The following PSPC1 variants were observed in gnomAD, a reference collection of about 807,000 sequenced individuals.
PSPC1 encodes the protein paraspeckle component 1, also known as paraspeckle protein 1.
A neutral mutation model predicts 51.6 loss-of-function variants in PSPC1; 14 were observed. The ratio of observed to expected loss-of-function variants is 0.27; its 90% CI spans 0.18 to 0.42. The LOEUF is 0.42. Among genes scored for constraint, PSPC1 ranks in the 10% least tolerant of loss-of-function variants. The pLI, the probability that PSPC1 is intolerant of heterozygous loss-of-function variation, is 1.00. For missense variants in PSPC1, 406 were observed against 701.1 expected, an observed-to-expected ratio of 0.58 and a Z score of 4.75; for synonymous variants, 193 against 231.9, an observed-to-expected ratio of 0.83 and a Z score of 1.53.
At chr13:19,704,151 T>G (rs1463606904) in intron 8 of PSPC1, among the ~76,000 whole-genome samples, 1 of 152,288 alleles carries the variant, frequency 6.6e-6, no homozygotes, top group African/African-American at 2.4e-5. Context: ...ATGTTACTTC[T>G]ATGTTTCTAT....
chr13:19,693,852 G>A (rs906286059), intron 6 of PSPC1, among the ~76,000 whole-genome samples: 13 of 152,100 alleles, frequency 8.5e-5, no homozygotes, highest in East Asian at 3.9e-4. Flanking sequence ...GGCCAGGCGC[G>A]GTGGCTCACG....
At chr13:19,774,348 T>C (rs1336294223) in intron 1 of PSPC1, among the ~76,000 whole-genome samples, 1 of 152,324 alleles carries the variant, frequency 6.6e-6, no homozygotes, top group East Asian at 1.9e-4. Context: ...TCACAAGAGC[T>C]CTTTATTCAA....
chr13:19,771,867 C>T (rs924181354), intron 2 of PSPC1, among the ~76,000 whole-genome samples: 1 of 152,126 alleles, frequency 6.6e-6, no homozygotes, highest in African/African-American at 2.4e-5. Context: ...AGGTGATCCG[C>T]GCACTGAAAG....
At chr13:19,741,950 G>C (rs1399485104) in intron 4 of PSPC1, among the ~76,000 whole-genome samples, 1 of 151,320 alleles carries the variant, frequency 6.6e-6, no homozygotes, top group Non-Finnish European at 1.5e-5. Context: ...TGGCCAACAA[G>C]GCAAAACCCC....
chr13:19,734,920 G>A (rs1338021940), intron 5 of PSPC1, among the ~76,000 whole-genome samples: 1 of 151,426 alleles, frequency 6.6e-6, no homozygotes, highest in African/African-American at 2.4e-5. Context: ...GGAGGTTGCC[G>A]TGAGCCGAGA....
In PSPC1 at chr13:19,780,511, C is replaced by A. The variant is rs1186388807; in HGVS notation, c.372+1875G>T. On this transcript the variant is annotated intron_variant, in intron 1 of 8. Transcript: ENST00000338910. ...GGGAATCCTGTTGATCTGACCTTAC[C>A]CCCAACCCTGTGCTCTCTGAAACAT... 1.8e-4 allele frequency among the ~76,000 whole-genome samples: 13 copies of A among 72,150 alleles called. 1 individual carries two copies. Among genetic ancestry groups the A allele is most frequent in the Admixed American group, 8.9e-4 (5 of 5,606 alleles). 47.3% of individuals were successfully genotyped at this position (72,150 alleles called of 152,430 possible).
Position 19,782,305 on chromosome 13 carries a change from G to A in PSPC1, c.372+81C>T. The A allele has an allele frequency of 6.7e-7, 1 of 1,490,008 alleles. No individual in the cohort carries two copies. The highest frequency in any genetic ancestry group is 8.9e-7 in the Non-Finnish European group (1 of 1,124,178). The allele number at this position is 1,490,008 out of a possible 1,614,324, so 92.3% of individuals were successfully genotyped here. On this transcript the variant is annotated intron_variant, in intron 1 of 8. Transcript: ENST00000338910. The surrounding 1 kb of genome is among the most constrained non-coding windows in gnomAD (Gnocchi z 4.5). ...GCCACAGGTTGAGACAGCGTCCTAG[G>A]ACGAGGCTGGCCTCAGCCCCACGAC... is the stretch of plus-strand genomic sequence containing the variant.
At chr13:19,777,577 T>A (rs1410459003) in intron 1 of PSPC1, among the ~76,000 whole-genome samples, 3 of 152,142 alleles carry the variant, frequency 2.0e-5, no homozygotes, top group African/African-American at 7.2e-5. Context: ...GAAATTTCCA[T>A]ATTTCATTAT....
chr13:19,687,738 A>G (rs28649813), intron 6 of PSPC1, among the ~76,000 whole-genome samples: 2 of 151,778 alleles, frequency 1.3e-5, no homozygotes, highest in African/African-American at 4.8e-5. Flanking sequence ...CCACTATCCC[A>G]CATATCAAGT....
intron 2 of PSPC1, 128 bp from the exon 3 acceptor site, chr13:19,759,546 G>T: frequency 2.9e-6 from 2 of 690,784 alleles, no homozygotes; most frequent in African/African-American, 1.8e-5. Flanking sequence ...AAATGTCTCA[G>T]AAGTATCATT....
intron 2 of PSPC1, among the ~76,000 whole-genome samples, chr13:19,761,077 T>C (rs1887568005): frequency 6.6e-6 from 1 of 151,944 alleles, no homozygotes; most frequent in African/African-American, 2.4e-5. Context: ...CCCAGGAATT[T>C]GAGGCTGCAG....
intron 6 of PSPC1, among the ~76,000 whole-genome samples, chr13:19,691,764 A>G (rs544201839): frequency 6.6e-6 from 1 of 152,128 alleles, no homozygotes; most frequent in Admixed American, 6.5e-5. Context: ...ACAAAAACAC[A>G]AATATCAGCC....
At chr13:19,714,856 C>A (rs1267857318) in intron 6 of PSPC1, among the ~76,000 whole-genome samples, 2 of 152,084 alleles carry the variant, frequency 1.3e-5, no homozygotes, top group East Asian at 3.8e-4. Flanking sequence ...AAAAAATCCA[C>A]AATTATCTTT....
intron 6 of PSPC1, among the ~76,000 whole-genome samples, chr13:19,685,148 CCA>C (rs1877722085): frequency 6.6e-6 from 1 of 152,230 alleles, no homozygotes; most frequent in Non-Finnish European, 1.5e-5. Flanking sequence ...TTTCCTGCCT[CCA>C]CATCATTTGT....
At chr13:19,677,232 C>CAAA (rs144841164) in intron 7 of PSPC1, among the ~76,000 whole-genome samples, 2 of 119,170 alleles carry the variant, frequency 1.7e-5, no homozygotes, top group Admixed American at 8.3e-5. Flanking sequence ...GACTCCGTCT[C>CAAA]AAAAAAAAAA....
chr13:19,757,987 T>C (rs1220782412), intron 3 of PSPC1, among the ~76,000 whole-genome samples: 4 of 151,556 alleles, frequency 2.6e-5, no homozygotes, highest in African/African-American at 9.8e-5. Flanking sequence ...CACAGCTGTT[T>C]GAAATGTTTA....
At chr13:19,673,070 TTTCTTGGAACCTATACGG>T (rs1876230845), downstream of PSPC1, 1 of 436,438 alleles carries the variant, frequency 2.3e-6, no homozygotes, top group Non-Finnish European at 4.5e-6. Flanking sequence ...AAAAAAAAAG[TTTCTTGGAACCTATACGG>T]TTTTTTTTTG....
intron 6 of PSPC1, among the ~76,000 whole-genome samples, chr13:19,710,442 AC>A (rs1881248833): frequency 6.6e-6 from 1 of 152,196 alleles, no homozygotes; most frequent in Non-Finnish European, 1.5e-5. Context: ...ATTTCCAATC[AC>A]AGAAAACTGT....
intron 3 of PSPC1, among the ~76,000 whole-genome samples, chr13:19,757,388 C>T (rs544871677): frequency 1.3e-5 from 2 of 152,076 alleles, no homozygotes; most frequent in African/African-American, 4.8e-5. Flanking sequence ...TAGAGCAGGG[C>T]GAGAGTTCCG....
Sources: allele counts gnomAD v4.1 joint callset (sites outside exome capture counted in the v4.1 genomes callset), GRCh38; gene constraint gnomAD v4.1.1; non-coding constraint Gnocchi (gnomAD v3.1); transcripts MANE v1.5; gene names NCBI Gene and HGNC (gene_info 2026-07-23, HGNC 2026-07-21).